The following SLC16A9 variants were observed in gnomAD, a reference collection of about 807,000 sequenced individuals.
SLC16A9 encodes solute carrier family 16 member 9.
Under a neutral mutation model 44.3 loss-of-function variants are expected in SLC16A9, and 26 were observed. The ratio of observed to expected loss-of-function variants is 0.59; its 90% CI spans 0.43 to 0.81. The LOEUF (loss-of-function observed/expected upper bound fraction) is 0.81. Ranked by LOEUF, SLC16A9 falls within the 40% of genes least tolerant of loss-of-function variation. The probability of loss-of-function intolerance (pLI) is 0.00; values close to 1 mark genes in which losing one functional copy is unlikely to be tolerated. For synonymous variants in SLC16A9, 230 were observed against 225.1 expected (o/e 1.02, Z -0.19); for missense variants, 559 against 595.8 (o/e 0.94, Z 0.64).
intron 2 of SLC16A9, among the ~76,000 whole-genome samples, chr10:59,681,684 G>GTATA (rs1333841933): frequency 2.7e-5 from 1 of 36,484 alleles, no homozygotes; most frequent in African/African-American, 1.5e-4. Flanking sequence ...ATATGTATAT[G>GTATA]TATATGTATA....
At chr10:59,680,220 T>C (rs1839957795) in intron 2 of SLC16A9, among the ~76,000 whole-genome samples, 1 of 152,202 alleles carries the variant, frequency 6.6e-6, no homozygotes, top group African/African-American at 2.4e-5. Context: ...AAGTATTTTC[T>C]TCTCAATTAT....
At chr10:59,702,160 A>C (rs574300997) in intron 1 of SLC16A9, among the ~76,000 whole-genome samples, 1 of 152,328 alleles carries the variant, frequency 6.6e-6, no homozygotes, top group East Asian at 1.9e-4. Context: ...CAACAAAATG[A>C]ACTGAGTGCA....
chr10:59,690,446 C>A (rs368783698), intron 1 of SLC16A9, among the ~76,000 whole-genome samples: 1 of 151,890 alleles, frequency 6.6e-6, no homozygotes, highest in Non-Finnish European at 1.5e-5. Context: ...GTTTAGGAGT[C>A]GAAGGAAATG....
intron 1 of SLC16A9, among the ~76,000 whole-genome samples, chr10:59,686,348 T>A (rs1347501031): frequency 1.3e-5 from 2 of 152,320 alleles, no homozygotes; most frequent in Non-Finnish European, 2.9e-5. Context: ...CCTGTCTGGT[T>A]CAAAAAGAAA....
At chr10:59,658,620 C>T (rs1194257923) in intron 4 of SLC16A9, among the ~76,000 whole-genome samples, 3 of 152,168 alleles carry the variant, frequency 2.0e-5, no homozygotes, top group Non-Finnish European at 4.4e-5. Flanking sequence ...GCTGCCATGC[C>T]TACTCTTACA....
At chr10:59,664,805 T>C (rs766195759) in intron 3 of SLC16A9, among the ~76,000 whole-genome samples, 1 of 152,214 alleles carries the variant, frequency 6.6e-6, no homozygotes, top group Non-Finnish European at 1.5e-5. Flanking sequence ...CAGTCTGCAA[T>C]ATGAAGGCCC....
intron 3 of SLC16A9, among the ~76,000 whole-genome samples, chr10:59,666,888 AAC>A (rs964943096): frequency 1.1e-4 from 16 of 151,200 alleles, no homozygotes; most frequent in African/African-American, 3.7e-4. Flanking sequence ...AAAAAAAAAA[AAC>A]ACACAGAATT....
At chr10:59,665,836 A>G (rs995283322) in intron 3 of SLC16A9, among the ~76,000 whole-genome samples, 2 of 152,230 alleles carry the variant, frequency 1.3e-5, no homozygotes, top group African/African-American at 4.8e-5. Flanking sequence ...TCAGGTTACT[A>G]AATGTCAATG....
At chr10:59,696,917 C>T (rs1434590452) in intron 1 of SLC16A9, among the ~76,000 whole-genome samples, 1 of 75,004 alleles carries the variant, frequency 1.3e-5, no homozygotes. Flanking sequence ...ACAGCCACCC[C>T]GTCCGGGAGG....
chr10:59,660,270 A>G (rs1345814776), intron 4 of SLC16A9, among the ~76,000 whole-genome samples: 1 of 152,198 alleles, frequency 6.6e-6, no homozygotes, highest in African/African-American at 2.4e-5. Flanking sequence ...CTAATAAGTA[A>G]GAAAAGAGAG....
intron 1 of SLC16A9, among the ~76,000 whole-genome samples, chr10:59,692,188 A>G (rs566619439): frequency 4.8e-4 from 73 of 152,238 alleles, no homozygotes; most frequent in African/African-American, 1.7e-3. Flanking sequence ...TTATCTTGGG[A>G]AAAAAATGGT....
rs1048367936 is a variant in SLC16A9 at position 59,653,727 on chromosome 10, C to T, written c.1299G>A (p.Gly433=). ...VGIEKLAHAY[G]ILMFFAGLGN... ...CAAGTCCAGCAAAGAACATTAATAT[C>T]CCATAGGCATGGGCTAATTTTTCAA... The change falls in exon 5 of 6, where the codon GGG becomes GGA. Residue 433 remains glycine (G), a synonymous_variant. Coordinates refer to ENST00000395348, the MANE Select transcript of SLC16A9 (RefSeq NM_194298.3). The T allele has an allele frequency of 1.9e-6, 3 of 1,614,020 alleles. No homozygotes were observed. The highest frequency in any genetic ancestry group is 2.5e-6 in the Non-Finnish European group (3 of 1,179,992).
At chr10:59,653,038 G>C (rs1027107275) in intron 5 of SLC16A9, 88 bp from the exon 6 acceptor site, 2 of 932,052 alleles carry the variant, frequency 2.1e-6, no homozygotes, top group Non-Finnish European at 3.1e-6. Flanking sequence ...TTTATATATA[G>C]TTATAATTAG....
chr10:59,698,307 T>C (rs979598287), intron 1 of SLC16A9, among the ~76,000 whole-genome samples: 2 of 152,212 alleles, frequency 1.3e-5, no homozygotes, highest in African/African-American at 2.4e-5. Context: ...CACTGGACCA[T>C]AGAGGAAGAC....
chr10:59,654,116 TG>T lies in SLC16A9; in HGVS notation c.909del (p.Asn303LysfsTer28). On this transcript the variant is annotated frameshift_variant, in exon 5 of 6. Transcript: ENST00000395348. LOFTEE classifies it high-confidence loss of function. ...YCGETVALFK[N>X]KVFSALFIAI... ...GCAATGAAAAGGGCTGAAAATACTT[TG>T]TTTTTAAAAAGAGCCACAGTTTCAC... The T allele has an allele frequency of 1.2e-6, 2 of 1,614,138 alleles. No individual in the cohort carries two copies. The highest frequency in any genetic ancestry group is 1.7e-6 in the Non-Finnish European group (2 of 1,180,030).
rs1319708651 is a variant in SLC16A9 at position 59,652,386 on chromosome 10, T to A, written c.*386A>T. On this transcript the variant is annotated 3_prime_UTR_variant, in exon 6 of 6. Coordinates refer to ENST00000395348, the MANE Select transcript of SLC16A9 (RefSeq NM_194298.3). Reference sequence around the variant, plus strand: ...CACATATCTTATCATGATGCTTGCATCACTTTTAAAATAGGAGCAGTCTCT... The same window carrying A: ...CACATATCTTATCATGATGCTTGCAACACTTTTAAAATAGGAGCAGTCTCT... 6.4e-6 allele frequency: 1 copy of A among 155,554 alleles called. No individual in the cohort carries two copies. Among genetic ancestry groups the A allele is most frequent in the Non-Finnish European group, 1.4e-5 (1 of 70,538 alleles). 9.6% of individuals were successfully genotyped at this position (155,554 alleles called of 1,614,324 possible).
chr10:59,654,475 C>T lies in SLC16A9; in HGVS notation c.551G>A (p.Cys184Tyr). The T allele has an allele frequency of 1.2e-6, 2 of 1,612,892 alleles. No individual in the cohort carries two copies. The highest frequency in any genetic ancestry group is 1.7e-6 in the Non-Finnish European group (2 of 1,180,028). The change falls in exon 5 of 6, where the codon TGT becomes TAT. Residue 184 changes from cysteine (C) to tyrosine (Y), a missense_variant. By Grantham distance (194) the Cys-to-Tyr change is radical. Transcript: ENST00000395348. ...VGALALNILA[C>Y]GSLMRPLQSS... ...TTGGAGGGGTCTCATCAGACTGCCA[C>T]AGGCTAATATATTTAAAGCTAAAGC...
chr10:59,704,084 C>G (rs1453119738), intron 1 of SLC16A9, among the ~76,000 whole-genome samples: 1 of 152,132 alleles, frequency 6.6e-6, no homozygotes, highest in South Asian at 2.1e-4. Context: ...AGGATTCTCT[C>G]AAAACATTGA....
At chr10:59,676,797 C>A (rs540367626) in intron 2 of SLC16A9, among the ~76,000 whole-genome samples, 31 of 151,944 alleles carry the variant, frequency 2.0e-4, no homozygotes, top group African/African-American at 7.2e-4. Flanking sequence ...ATGACACATG[C>A]CTGTAATCCC....
Sources: allele counts gnomAD v4.1 joint callset (sites outside exome capture counted in the v4.1 genomes callset), GRCh38; gene constraint gnomAD v4.1.1; transcripts MANE v1.5; gene names NCBI Gene and HGNC (gene_info 2026-07-23, HGNC 2026-07-21).